The following DIP2C variants were observed in gnomAD, a reference collection of about 807,000 sequenced individuals.
DIP2C encodes DIP2 acetate--CoA ligase C (putative).
In DIP2C, 33 loss-of-function variants were observed where a neutral mutation model predicts 192.4. That is an observed-to-expected ratio of 0.17 (90% CI 0.13 to 0.23). DIP2C has a LOEUF of 0.23. DIP2C is among the 10% of genes least tolerant of loss of function. DIP2C has a pLI of 1.00. For missense variants in DIP2C, 1,537 were observed against 2,110.1 expected, an observed-to-expected ratio of 0.73 and a Z score of 5.32; for synonymous variants, 979 against 864.1, an observed-to-expected ratio of 1.13 and a Z score of -2.33.
rs1359909085 is a variant in DIP2C, at chr10:310,026, A to G, written c.3986+5T>C. ...AAAAAGAAAAAACCCAGAAGTGTAC[A>G]GTACCTGTCGTGTCTCAGGGCTCTC... On this transcript the variant is annotated splice_donor_5th_base_variant and intron_variant, in intron 32 of 36. Coordinates refer to ENST00000280886, the MANE Select transcript of DIP2C (RefSeq NM_014974.3). The G allele has an allele frequency of 3.7e-6, 6 of 1,614,144 alleles. No homozygotes were observed. The East Asian group carries it at 8.9e-5, about 24-fold the overall frequency.
intron 1 of DIP2C, among the ~76,000 whole-genome samples, chr10:520,003 T>A (rs1773480): frequency 0.99 from 150,903 of 152,338 alleles, 74,753 homozygotes; most frequent in Non-Finnish European, 1. Context: ...CCACTCGGAG[T>A]AACAGCGATG....
At chr10:459,814 C>G (rs184087074) in intron 3 of DIP2C, among the ~76,000 whole-genome samples, 2 of 137,160 alleles carry the variant, frequency 1.5e-5, no homozygotes, top group Non-Finnish European at 3.0e-5. Context: ...CTTCCCACAG[C>G]CACATCAGGG....
At chr10:321,682 GC>G (rs1237094098) in intron 31 of DIP2C, among the ~76,000 whole-genome samples, 1 of 21,576 alleles carries the variant, frequency 4.6e-5, no homozygotes. Flanking sequence ...GGGGTGCGGG[GC>G]TCCGGCGAGA....
intron 1 of DIP2C, chr10:668,618 T>C (rs1370806361): frequency 6.6e-6 from 1 of 152,042 alleles, no homozygotes; most frequent in African/African-American, 2.4e-5. Flanking sequence ...ACAACACACA[T>C]ACAACCCATG....
At chr10:350,724 C>T (rs147614422) in intron 24 of DIP2C, among the ~76,000 whole-genome samples, 2,363 of 151,478 alleles carry the variant, frequency 0.016, 27 homozygotes, top group Middle Eastern at 0.041. Flanking sequence ...CGGCAACCTC[C>T]GCCTTCCGGA....
At chr10:616,657 G>A (rs570304682) in intron 1 of DIP2C, among the ~76,000 whole-genome samples, 2 of 152,342 alleles carry the variant, frequency 1.3e-5, no homozygotes, top group African/African-American at 4.8e-5. Context: ...GGAGAGCAGA[G>A]TGCGGGAAGG....
At chr10:664,190 A>G (rs747212039) in intron 1 of DIP2C, 1 of 151,144 alleles carries the variant, frequency 6.6e-6, no homozygotes, top group Non-Finnish European at 1.5e-5. Flanking sequence ...AGTGTTTTCA[A>G]CGTTGCTCAG....
chr10:558,367 C>T (rs1849021137), intron 1 of DIP2C, among the ~76,000 whole-genome samples: 1 of 152,194 alleles, frequency 6.6e-6, no homozygotes, highest in African/African-American at 2.4e-5. Flanking sequence ...GAATAATTTA[C>T]CTGGATGCAT....
At chr10:509,014 C>T (rs550443451) in intron 1 of DIP2C, among the ~76,000 whole-genome samples, 13 of 152,282 alleles carry the variant, frequency 8.5e-5, no homozygotes, top group South Asian at 4.1e-4. Context: ...AGCCTGTCCT[C>T]GCTAGAACAC....
At chr10:298,533 T>C (rs1161157368) in intron 32 of DIP2C, among the ~76,000 whole-genome samples, 1 of 152,190 alleles carries the variant, frequency 6.6e-6, no homozygotes, top group Non-Finnish European at 1.5e-5. Context: ...TTCTTGGCTT[T>C]TGAGATGCGA....
At chr10:310,340 AAG>A (rs2132322759) in intron 31 of DIP2C, among the ~76,000 whole-genome samples, 1 of 152,350 alleles carries the variant, frequency 6.6e-6, no homozygotes, top group Non-Finnish European at 1.5e-5. Context: ...AAAAATAGGA[AAG>A]AAAGGAGACA....
intron 1 of DIP2C, among the ~76,000 whole-genome samples, chr10:549,710 C>G (rs574260818): frequency 1.3e-5 from 2 of 152,260 alleles, no homozygotes; most frequent in African/African-American, 4.8e-5. Context: ...TGGGTGCCCT[C>G]GTCACTTTTC....
intron 32 of DIP2C, among the ~76,000 whole-genome samples, chr10:305,583 A>G (rs987009554): frequency 1.3e-5 from 2 of 152,230 alleles, no homozygotes; most frequent in East Asian, 1.9e-4. Context: ...GGAAGCTAAG[A>G]AAGTTTTCAT....
rs565655104 is a variant in DIP2C at position 407,800 on chromosome 10, T to C, written c.1149+1126A>G. The stretch of plus-strand genomic sequence containing the variant: ...GTTGCTTTTTTTGGTGGTGGTGACT[T>C]GTAGGAATTCTTTAAATATTTTAGA... On this transcript the variant is annotated intron_variant, in intron 9 of 36. Transcript: ENST00000280886. Among the ~76,000 whole-genome samples, 4 of 152,322 alleles carry C rather than the reference T, an allele frequency of 2.6e-5. No homozygotes were observed. The East Asian group carries it at 7.7e-4, about 29-fold the overall frequency.
At chr10:582,691 G>A (rs1449118264) in intron 1 of DIP2C, among the ~76,000 whole-genome samples, 1 of 152,218 alleles carries the variant, frequency 6.6e-6, no homozygotes, top group Non-Finnish European at 1.5e-5. Context: ...AGGAAGAAAA[G>A]CGTGTCTCCA....
chr10:509,255 C>G (rs940634788), intron 1 of DIP2C, among the ~76,000 whole-genome samples: 8 of 152,180 alleles, frequency 5.3e-5, no homozygotes, highest in Non-Finnish European at 1.2e-4. Flanking sequence ...CCCGTCCTAA[C>G]CGCGCCAGGT....
At chr10:514,288 C>T (rs565969742) in intron 1 of DIP2C, among the ~76,000 whole-genome samples, 9 of 152,270 alleles carry the variant, frequency 5.9e-5, no homozygotes, top group African/African-American at 2.2e-4. Flanking sequence ...ATACGTCAAG[C>T]TTGTTGAAGG....
intron 22 of DIP2C, among the ~76,000 whole-genome samples, chr10:359,776 G>GA (rs1406917104): frequency 2.0e-5 from 3 of 152,132 alleles, no homozygotes; most frequent in East Asian, 3.9e-4. Flanking sequence ...AGCGTCTTCT[G>GA]AATGAAGCAT....
intron 17 of DIP2C, among the ~76,000 whole-genome samples, chr10:374,024 C>A (rs1235884512): frequency 1.3e-5 from 2 of 152,166 alleles, no homozygotes; most frequent in Non-Finnish European, 2.9e-5. Context: ...CCCCAACAAC[C>A]TGGTGTTGGA....
Sources: allele counts gnomAD v4.1 joint callset (sites outside exome capture counted in the v4.1 genomes callset), GRCh38; gene constraint gnomAD v4.1.1; transcripts MANE v1.5; gene names NCBI Gene and HGNC (gene_info 2026-07-23, HGNC 2026-07-21).